Variants in TASP1 observed in about 807,000 individuals in gnomAD.
TASP1 encodes the protein taspase 1, also known as threonine aspartase 1.
TASP1 carries 16 observed loss-of-function variants against 56.6 expected under a neutral mutation model. The ratio of observed to expected loss-of-function variants is 0.28; its 90% confidence interval spans 0.19 to 0.43. TASP1 has a LOEUF of 0.43. Among genes scored for constraint, TASP1 ranks in the 20% least tolerant of loss-of-function variants. The pLI, the probability that TASP1 is intolerant of heterozygous loss-of-function variation, is 1.00. For synonymous variants in TASP1, 179 were observed against 184.2 expected, an observed-to-expected ratio of 0.97 and a Z score of 0.23; for missense variants, 393 against 511.6, an observed-to-expected ratio of 0.77 and a Z score of 2.24.
chr20:13,382,295 T>A, the TASP1 span, among the ~76,000 whole-genome samples: 183 of 152,080 alleles, frequency 1.2e-3, no homozygotes, highest in Non-Finnish European at 1.4e-3. Context: ...GAAGTTGGAG[T>A]CTGTGGAGCT....
chr20:13,184,052 A>G, the TASP1 span, among the ~76,000 whole-genome samples: 1 of 151,996 alleles, frequency 6.6e-6, no homozygotes, highest in East Asian at 1.9e-4. Context: ...AAAAGAAAGA[A>G]AGAAAGTAAA....
chr20:13,116,255 G>C, the TASP1 span, among the ~76,000 whole-genome samples: 32 of 152,114 alleles, frequency 2.1e-4, no homozygotes, highest in East Asian at 1.3e-3. Context: ...TAAATAATTA[G>C]GGGAAAAAGG....
At position 13,390,345 on chromosome 20, in the gene TASP1, A is replaced by C; in HGVS notation, c.*15T>G. 1.2e-6 allele frequency: 2 copies of C among 1,612,334 alleles called. No homozygotes were observed. Among genetic ancestry groups the C allele is most frequent in the Non-Finnish European group, 8.5e-7 (1 of 1,178,652 alleles). ...CTGAAATGCCTCTGAGACGCTTCAC[A>C]CTCAGCCTGAAGGGTCAGTTCACTG... is the stretch of plus-strand genomic sequence containing the variant. On this transcript the variant is annotated 3_prime_UTR_variant, in exon 14 of 14. Coordinates refer to ENST00000337743, the MANE Select transcript of TASP1 (RefSeq NM_017714.3).
chr20:13,322,382 A>C, the TASP1 span, among the ~76,000 whole-genome samples: 1 of 152,196 alleles, frequency 6.6e-6, no homozygotes, highest in Admixed American at 6.6e-5. Flanking sequence ...AACCCAGTGC[A>C]GCCACTGACT....
intron 13 of TASP1, chr20:13,393,517 T>C (rs1406645840): frequency 6.3e-6 from 5 of 793,870 alleles, no homozygotes; most frequent in East Asian, 5.0e-5. Flanking sequence ...CACCAGATTG[T>C]CTCCTCCAAC....
intron 4 of TASP1, among the ~76,000 whole-genome samples, chr20:13,622,057 C>T (rs2048734850): frequency 6.6e-6 from 1 of 152,184 alleles, no homozygotes; most frequent in Non-Finnish European, 1.5e-5. Context: ...TTCTTTGATG[C>T]TGTAAAACTT....
the TASP1 span, among the ~76,000 whole-genome samples, chr20:13,257,666 T>C: frequency 6.6e-6 from 1 of 151,540 alleles, no homozygotes; most frequent in Non-Finnish European, 1.5e-5. Context: ...ACTGCACAAG[T>C]AAAGCAGTGT....
chr20:13,410,379 A>C (rs549976320), intron 13 of TASP1, among the ~76,000 whole-genome samples: 1 of 152,188 alleles, frequency 6.6e-6, no homozygotes, highest in African/African-American at 2.4e-5. Context: ...TGGTAGTCCT[A>C]TTTTCAGTTT....
the TASP1 span, among the ~76,000 whole-genome samples, chr20:13,279,211 A>G: frequency 6.6e-6 from 1 of 152,200 alleles, no homozygotes; most frequent in Non-Finnish European, 1.5e-5. Flanking sequence ...GTTTTATTAT[A>G]ATATGATTAT....
chr20:13,508,234 C>G (rs912604276), intron 10 of TASP1, among the ~76,000 whole-genome samples: 48 of 150,872 alleles, frequency 3.2e-4, no homozygotes, highest in Admixed American at 2.6e-3. Context: ...GCAACAAAAG[C>G]AAAAATAAGC....
intron 13 of TASP1, among the ~76,000 whole-genome samples, chr20:13,404,407 A>G (rs544126758): frequency 4.2e-4 from 64 of 152,324 alleles, no homozygotes; most frequent in Non-Finnish European, 7.5e-4. Flanking sequence ...GTTTGAGATT[A>G]CGCCAGCCTG....
At chr20:13,484,001 T>G (rs1443731294) in intron 10 of TASP1, among the ~76,000 whole-genome samples, 2 of 152,112 alleles carry the variant, frequency 1.3e-5, no homozygotes, top group Non-Finnish European at 2.9e-5. Flanking sequence ...GGGCAAAGGA[T>G]ATGCAAGAAC....
At chr20:13,417,374 C>T in intron 13 of TASP1, 74 bp downstream of exon 13, 2 of 1,529,312 alleles carry the variant, frequency 1.3e-6, no homozygotes, top group Admixed American at 1.9e-5. Context: ...AATTCATCCA[C>T]ATCAACTTAG....
the TASP1 span, among the ~76,000 whole-genome samples, chr20:13,349,966 C>A: frequency 2.6e-5 from 4 of 152,206 alleles, no homozygotes; most frequent in East Asian, 3.9e-4. Context: ...GACTGGGCAA[C>A]ATAGGGAGAC....
the TASP1 span, among the ~76,000 whole-genome samples, chr20:13,342,660 C>T: frequency 6.6e-6 from 1 of 152,194 alleles, no homozygotes; most frequent in South Asian, 2.1e-4. Context: ...AGCGGAACTC[C>T]CAGCCCTCAG....
chr20:13,586,789 A>G (rs2047320258), intron 5 of TASP1, among the ~76,000 whole-genome samples: 2 of 152,192 alleles, frequency 1.3e-5, no homozygotes, highest in African/African-American at 4.8e-5. Flanking sequence ...AATAATTAAC[A>G]CATTTATTTT....
chr20:13,539,594 T>C (rs542298159), intron 8 of TASP1, among the ~76,000 whole-genome samples: 1 of 152,328 alleles, frequency 6.6e-6, no homozygotes, highest in South Asian at 2.1e-4. Flanking sequence ...TACTATTTAT[T>C]TCCTAAATCA....
At chr20:13,354,231 A>T in the TASP1 span, among the ~76,000 whole-genome samples, 39 of 152,314 alleles carry the variant, frequency 2.6e-4, no homozygotes, top group East Asian at 6.2e-3. Flanking sequence ...AAGATTCAAG[A>T]TCCAAATAAT....
Position 13,421,793 on chromosome 20 carries a change from T to C in TASP1, c.1097-4272A>G, listed in dbSNP as rs184966839. ...TCTGCAAGAACATTCTCTTAATCCGTGGTAATTATGCTCTGTAATGCTGAT... is the reference window on the plus strand; with the variant it reads ...TCTGCAAGAACATTCTCTTAATCCGCGGTAATTATGCTCTGTAATGCTGAT... On this transcript the variant is annotated intron_variant, in intron 12 of 13. Coordinates refer to ENST00000337743, the MANE Select transcript of TASP1 (RefSeq NM_017714.3). Among the ~76,000 whole-genome samples the C allele has an allele frequency of 2.2e-3, 337 of 152,216 alleles. 5 individuals are homozygous for C. The highest frequency in any genetic ancestry group is 2.1e-3 in the Non-Finnish European group (142 of 68,018).
Sources: gnomAD v4.1 joint callset for allele counts (sites outside exome capture counted in the v4.1 genomes callset) on GRCh38, gnomAD v4.1.1 for gene constraint, MANE v1.5 for transcripts, NCBI Gene and HGNC (gene_info 2026-07-23, HGNC 2026-07-21) for gene names.